The following LPA variants were observed in gnomAD, a reference collection of about 807,000 sequenced individuals.
LPA encodes the protein lipoprotein(a), also known as apolipoprotein(a).
Under a neutral mutation model 197.9 loss-of-function variants are expected in LPA, and 199 were observed. The observed-to-expected ratio is 1.01, with a 90% CI of 0.90 to 1.13. The LOEUF (loss-of-function observed/expected upper bound fraction) is 1.13. Among genes scored for constraint, LPA ranks in the 50% most tolerant of loss-of-function variants. The pLI, the probability that LPA is intolerant of heterozygous loss-of-function variation, is 0.00. For synonymous variants in LPA, 715 were observed against 639.5 expected (o/e 1.12, Z -1.78); for missense variants, 1,853 against 1,785.8 (o/e 1.04, Z -0.68).
At chr6:160,654,668 A>T (rs1185283761) in intron 1 of LPA, among the ~76,000 whole-genome samples, 2 of 152,184 alleles carry the variant, frequency 1.3e-5, no homozygotes, top group Non-Finnish European at 2.9e-5. Flanking sequence ...GTTATTACAT[A>T]AGGTTAACAA....
chr6:160,532,441 T>G, intron 38 of LPA, 90 bp downstream of exon 38: 2 of 1,018,366 alleles, frequency 2.0e-6, no homozygotes, highest in Non-Finnish European at 1.6e-6. Flanking sequence ...TGACAAAACC[T>G]TCCTGAATTT....
At chr6:160,556,756 C>A (rs542553342) in intron 29 of LPA, among the ~76,000 whole-genome samples, 6 of 152,218 alleles carry the variant, frequency 3.9e-5, no homozygotes, top group African/African-American at 1.4e-4. Flanking sequence ...CAGCATCCTG[C>A]ATTGCAACAA....
chr6:160,595,123 C>T (rs1390415952), intron 21 of LPA, among the ~76,000 whole-genome samples: 1 of 152,090 alleles, frequency 6.6e-6, no homozygotes, highest in East Asian at 1.9e-4. Flanking sequence ...AAGTCCAGTG[C>T]CCTAGAGGGT....
intron 30 of LPA, among the ~76,000 whole-genome samples, chr6:160,555,044 C>T (rs1416344353): frequency 6.6e-6 from 1 of 151,794 alleles, no homozygotes; most frequent in African/African-American, 2.4e-5. Context: ...CTTTTATAGT[C>T]ATTTATGGCA....
At chr6:160,650,248 T>G (rs910029812) in intron 2 of LPA, 90 bp downstream of exon 2, 4 of 1,350,032 alleles carry the variant, frequency 3.0e-6, no homozygotes, top group African/African-American at 1.4e-5. Context: ...TGAGAAAAAT[T>G]TAATCATAAG....
At position 160,578,604 on chromosome 6, in the gene LPA, G is replaced by A. The variant is rs1297292947; in HGVS notation, c.4390C>T (p.Arg1464Ter). The change falls in exon 27 of 39, where the codon CGA becomes TGA. Residue 1464 changes from arginine (R) to a stop codon, truncating the protein, a stop_gained. Transcript: ENST00000316300. LOFTEE classifies it high-confidence loss of function. ...SVRWEYCNLT[R>*]CPVTESSVLT... The stretch of plus-strand genomic sequence containing the variant: ...ACACTCGATTCTGTCACTGGACATC[G>A]TGTCAGGTTGCAGTACTCCCACCTG... The A allele has an allele frequency of 2.5e-6, 4 of 1,613,892 alleles. No individual in the cohort carries two copies. The highest frequency in any genetic ancestry group is 1.1e-5 in the South Asian group (1 of 91,088).
intron 17 of LPA, among the ~76,000 whole-genome samples, chr6:160,606,120 T>C (rs565454395): frequency 1.3e-4 from 20 of 152,298 alleles, no homozygotes; most frequent in African/African-American, 4.8e-4. Context: ...TGCTGGCTAA[T>C]TGAAGAAGTC....
intron 16 of LPA, among the ~76,000 whole-genome samples, chr6:160,608,942 C>T (rs1582883303): frequency 6.6e-6 from 1 of 151,758 alleles, no homozygotes; most frequent in Admixed American, 6.6e-5. Context: ...GTTTCCTATT[C>T]AGAAATGTCT....
chr6:160,565,037 G>C (rs1028179368), intron 28 of LPA, among the ~76,000 whole-genome samples: 3 of 152,192 alleles, frequency 2.0e-5, no homozygotes, highest in African/African-American at 7.2e-5. Context: ...GCTCAAACTG[G>C]GTGGAGCCCA....
chr6:160,584,486 C>A (rs75293710), intron 26 of LPA, among the ~76,000 whole-genome samples: 1 of 151,698 alleles, frequency 6.6e-6, no homozygotes. Context: ...TACCCACCAC[C>A]ATGACCGGCT....
chr6:160,611,174 C>G (rs1251426105), intron 16 of LPA, among the ~76,000 whole-genome samples: 1 of 152,102 alleles, frequency 6.6e-6, no homozygotes, highest in Non-Finnish European at 1.5e-5. Flanking sequence ...CTCATGAGCC[C>G]AGACAGAAAA....
At chr6:160,576,752 C>T (rs1313423714) in intron 28 of LPA, among the ~76,000 whole-genome samples, 6 of 137,738 alleles carry the variant, frequency 4.4e-5, no homozygotes, top group Non-Finnish European at 9.2e-5. Context: ...ACTTATTACC[C>T]ATGACAAAAA....
chr6:160,607,860 A>C (rs1779392106), intron 16 of LPA, among the ~76,000 whole-genome samples: 1 of 152,102 alleles, frequency 6.6e-6, no homozygotes, highest in Admixed American at 6.5e-5. Context: ...CTTATTATAC[A>C]ATATACCTCA....
chr6:160,662,162 A>T (rs1780237675), intron 1 of LPA, among the ~76,000 whole-genome samples: 1 of 152,186 alleles, frequency 6.6e-6, no homozygotes, highest in Admixed American at 6.5e-5. Context: ...TCATATGGCA[A>T]TGGGGATTTA....
intron 16 of LPA, among the ~76,000 whole-genome samples, chr6:160,607,087 C>T (rs568538925): frequency 6.6e-6 from 1 of 152,086 alleles, no homozygotes; most frequent in East Asian, 1.9e-4. Flanking sequence ...ACTTCATATT[C>T]TAATGTGCAA....
intron 16 of LPA, 83 bp downstream of exon 16, chr6:160,611,479 G>C: frequency 1.3e-6 from 2 of 1,574,984 alleles, no homozygotes; most frequent in East Asian, 2.2e-5. Context: ...GTTGAGTTCG[G>C]AGAACTCAGC....
chr6:160,648,042 A>G (rs1324592057), intron 2 of LPA, among the ~76,000 whole-genome samples: 1 of 152,180 alleles, frequency 6.6e-6, no homozygotes, highest in Non-Finnish European at 1.5e-5. Context: ...TTCTTTGTTT[A>G]GGGGAGTGCA....
At chr6:160,559,154 T>C (rs975117858) in intron 28 of LPA, among the ~76,000 whole-genome samples, 2 of 152,190 alleles carry the variant, frequency 1.3e-5, no homozygotes, top group Admixed American at 1.3e-4. Context: ...CCCCAGAAAC[T>C]CTCTTGAGTC....
chr6:160,583,144 C>T (rs1389280352), intron 26 of LPA, among the ~76,000 whole-genome samples: 1 of 152,010 alleles, frequency 6.6e-6, no homozygotes, highest in Non-Finnish European at 1.5e-5. Flanking sequence ...AATCTCCTTG[C>T]CAATTCTGTT....
Sources: allele counts gnomAD v4.1 joint callset (sites outside exome capture counted in the v4.1 genomes callset), GRCh38; gene constraint gnomAD v4.1.1; transcripts MANE v1.5; gene names NCBI Gene and HGNC (gene_info 2026-07-23, HGNC 2026-07-21).